Variants in FAF1 observed in about 807,000 individuals in gnomAD.
The protein encoded by FAF1 is FAS-associated factor 1.
Under a neutral mutation model 92.5 loss-of-function variants are expected in FAF1, and 25 were observed. The ratio of observed to expected loss-of-function variants is 0.27; its 90% confidence interval spans 0.20 to 0.38. The LOEUF (loss-of-function observed/expected upper bound fraction) is 0.38, where lower values mean the gene tolerates loss of function less well. FAF1 is among the 10% of genes least tolerant of loss of function. FAF1 has a pLI of 1.00. For synonymous variants in FAF1, 234 were observed against 273.2 expected (o/e 0.86, Z 1.42); for missense variants, 636 against 793.3 (o/e 0.80, Z 2.38).
At chr1:50,740,834 AAC>A (rs147632431) in intron 5 of FAF1, among the ~76,000 whole-genome samples, 10,076 of 150,778 alleles carry the variant, frequency 0.067, 408 homozygotes, top group East Asian at 0.094. Context: ...ACATGCAAAC[AAC>A]ACACACACAC....
chr1:50,497,736 G>A (rs1646918420), intron 15 of FAF1, among the ~76,000 whole-genome samples: 1 of 151,626 alleles, frequency 6.6e-6, no homozygotes, highest in Admixed American at 6.6e-5. Context: ...TTTTAGTAGA[G>A]ACGGGGTTTC....
chr1:50,708,429 T>C (rs1260314158), intron 6 of FAF1, among the ~76,000 whole-genome samples: 1 of 151,150 alleles, frequency 6.6e-6, no homozygotes, highest in Non-Finnish European at 1.5e-5. Context: ...AAAAGTGGAG[T>C]AGTGGCAGGT....
chr1:50,516,769 T>C (rs535609071), intron 15 of FAF1, among the ~76,000 whole-genome samples: 10 of 152,346 alleles, frequency 6.6e-5, no homozygotes, highest in African/African-American at 1.7e-4. Flanking sequence ...TCTACAGCTA[T>C]ACATTCAAAT....
rs1258552468 is a variant in FAF1 at position 50,926,893 on chromosome 1, A to AC, written c.45+32873_45+32874insG. Among the ~76,000 whole-genome samples, 17 of 152,362 alleles carry AC rather than the reference A, an allele frequency of 1.1e-4. No individual in the cohort carries two copies. The East Asian group carries it at 2.5e-3, about 22-fold the overall frequency. On this transcript the variant is annotated intron_variant, in intron 1 of 18. Transcript: ENST00000396153. ...AAATGTCCATCCATAAATAAAGAAC[A>AC]TGTAGTATGTTCACACAACAGAGTA... is the stretch of plus-strand genomic sequence containing the variant.
intron 4 of FAF1, among the ~76,000 whole-genome samples, chr1:50,766,567 G>A (rs1660577548): frequency 6.6e-6 from 1 of 151,866 alleles, no homozygotes; most frequent in South Asian, 2.1e-4. Flanking sequence ...GCAGATCTTT[G>A]GAGGGAAGGC....
chr1:50,906,786 C>T (rs578136810), intron 1 of FAF1, among the ~76,000 whole-genome samples: 92 of 152,134 alleles, frequency 6.0e-4, no homozygotes, highest in Non-Finnish European at 7.9e-4. Flanking sequence ...TGGGCTGAGA[C>T]GATGGGGTTT....
intron 1 of FAF1, among the ~76,000 whole-genome samples, chr1:50,885,295 TTCTC>T (rs147647466): frequency 2.9e-5 from 4 of 137,322 alleles, no homozygotes; most frequent in South Asian, 2.2e-4. Flanking sequence ...CCGTGTCTCT[TTCTC>T]TCTCTCTCTC....
chr1:50,736,198 T>C (rs1659128982), intron 6 of FAF1, among the ~76,000 whole-genome samples: 2 of 152,220 alleles, frequency 1.3e-5, no homozygotes, highest in African/African-American at 2.4e-5. Flanking sequence ...ACAGTTGTTA[T>C]ATTCATTTGC....
chr1:50,871,104 A>T (rs1417742054), intron 1 of FAF1, among the ~76,000 whole-genome samples: 1 of 152,258 alleles, frequency 6.6e-6, no homozygotes, highest in Non-Finnish European at 1.5e-5. Context: ...ACTTTTGCTT[A>T]AGCCAAAACC....
intron 1 of FAF1, among the ~76,000 whole-genome samples, chr1:50,914,749 C>T (rs1286056794): frequency 6.6e-6 from 1 of 152,194 alleles, no homozygotes; most frequent in Non-Finnish European, 1.5e-5. Context: ...ATGTGCTATA[C>T]TTAACATATC....
intron 2 of FAF1, among the ~76,000 whole-genome samples, chr1:50,827,457 C>A (rs567050425): frequency 5.6e-4 from 85 of 152,090 alleles, no homozygotes; most frequent in Non-Finnish European, 9.8e-4. Context: ...CATCACCACT[C>A]CCTAATCTCA....
chr1:50,502,719 T>C (rs1368439239), intron 15 of FAF1, among the ~76,000 whole-genome samples: 1 of 152,196 alleles, frequency 6.6e-6, no homozygotes, highest in Non-Finnish European at 1.5e-5. Flanking sequence ...TTAGTATAGC[T>C]GAATATTCAA....
At chr1:50,862,996 T>C (rs1252278404) in intron 1 of FAF1, among the ~76,000 whole-genome samples, 4 of 151,924 alleles carry the variant, frequency 2.6e-5, no homozygotes, top group African/African-American at 7.2e-5. Context: ...ACTTAAACTA[T>C]ACCCTAGAAC....
At chr1:50,595,512 T>C (rs12082106) in intron 9 of FAF1, among the ~76,000 whole-genome samples, 5,160 of 152,218 alleles carry the variant, frequency 0.034, 290 homozygotes, top group African/African-American at 0.12. Context: ...CTAATGAATC[T>C]ACTCAACTAC....
Position 50,455,335 on chromosome 1 carries a change from C to T in FAF1, c.1870-13812G>A, listed in dbSNP as rs148884420. On this transcript the variant is annotated intron_variant, in intron 18 of 18. Coordinates refer to ENST00000396153, the MANE Select transcript of FAF1 (RefSeq NM_007051.3). The stretch of plus-strand genomic sequence containing the variant: ...CAACATTTTCAATGCATTTGAATAA[C>T]CTTAGGTGACTTAGCTGCCACCTGA... Among the ~76,000 whole-genome samples, 48 of 152,312 alleles carry T rather than the reference C, an allele frequency of 3.2e-4. 1 individual carries two copies. The East Asian group carries it at 9.2e-3, about 29-fold the overall frequency.
intron 15 of FAF1, among the ~76,000 whole-genome samples, chr1:50,508,366 A>T (rs1647086273): frequency 6.6e-6 from 1 of 152,256 alleles, no homozygotes; most frequent in South Asian, 2.1e-4. Flanking sequence ...TACATAAACA[A>T]AATGTGGTAT....
chr1:50,906,017 A>T (rs2124714965), intron 1 of FAF1, among the ~76,000 whole-genome samples: 1 of 152,320 alleles, frequency 6.6e-6, no homozygotes, highest in Middle Eastern at 3.4e-3. Context: ...TTTACGTCTA[A>T]CATTTGAGTC....
At chr1:50,512,039 T>G (rs1331231715) in intron 15 of FAF1, among the ~76,000 whole-genome samples, 3 of 152,242 alleles carry the variant, frequency 2.0e-5, no homozygotes, top group Admixed American at 2.0e-4. Flanking sequence ...CATAAAAGTC[T>G]TCTTTTGAGA....
intron 6 of FAF1, 31 bp from the exon 7 acceptor site, chr1:50,705,922 C>CA (rs1439570384): frequency 1.5e-6 from 2 of 1,338,212 alleles, no homozygotes; most frequent in Admixed American, 3.5e-5. Flanking sequence ...ACAAGGAACT[C>CA]AGAGATGAAC....
Sources: gnomAD v4.1 joint callset for allele counts (sites outside exome capture counted in the v4.1 genomes callset) on GRCh38, gnomAD v4.1.1 for gene constraint, MANE v1.5 for transcripts, NCBI Gene and HGNC (gene_info 2026-07-23, HGNC 2026-07-21) for gene names.